ESR1: variants seen among roughly 807,000 people sequenced by gnomAD.
ESR1 encodes estrogen receptor 1, also known as estrogen receptor.
In ESR1, 12 loss-of-function variants were observed where a neutral mutation model predicts 52.7. The observed-to-expected ratio is 0.23, with a 90% CI of 0.15 to 0.37. The LOEUF (loss-of-function observed/expected upper bound fraction) is 0.37. ESR1 is among the 10% of genes least tolerant of loss of function. The probability of loss-of-function intolerance (pLI) is 1.00; values close to 1 mark genes in which losing one functional copy is unlikely to be tolerated. For synonymous variants in ESR1, 305 were observed against 316.8 expected (o/e 0.96, Z 0.39); for missense variants, 584 against 779.7 (o/e 0.75, Z 2.99).
rs71017515 is a variant in ESR1 at position 151,880,181 on chromosome 6, G to GTTTTT, written c.644-459_644-455dup. ...AAGTCCACGGGAGGTTTTTTGTTCTGTTTTTTTTTTTTTTTTTTTGAGATG... is the reference window on the plus strand; with the variant it reads ...AAGTCCACGGGAGGTTTTTTGTTCTGTTTTTTTTTTTTTTTTTTTTTTTTGAGATG... On this transcript the variant is annotated intron_variant, in intron 2 of 7. Coordinates refer to ENST00000206249, the MANE Select transcript of ESR1 (RefSeq NM_000125.4). Among the ~76,000 whole-genome samples, 612 of 116,260 alleles carry GTTTTT rather than the reference G, an allele frequency of 5.3e-3. 17 individuals carry two copies. Among genetic ancestry groups the GTTTTT allele is most frequent in the Non-Finnish European group, 6.4e-3 (384 of 59,770 alleles). The allele number at this position is 116,260 out of a possible 152,430, so 76.3% of individuals were successfully genotyped here. A position where few individuals can be genotyped will look rare whatever the true frequency, so the allele number is the denominator to read the frequency against.
chr6:151,969,987 G>T (rs1325477865), intron 4 of ESR1, among the ~76,000 whole-genome samples: 1 of 151,472 alleles, frequency 6.6e-6, no homozygotes, highest in East Asian at 1.9e-4. Flanking sequence ...TGATATTGCC[G>T]CTGTTCATTC....
chr6:151,697,135 T>G (rs1779409994), intron 1 of ESR1, among the ~76,000 whole-genome samples: 1 of 152,112 alleles, frequency 6.6e-6, no homozygotes, highest in Non-Finnish European at 1.5e-5. Flanking sequence ...AAATAAAGAC[T>G]TAACCTTAGA....
chr6:151,726,976 T>C (rs965185449), intron 2 of ESR1, among the ~76,000 whole-genome samples: 5 of 152,176 alleles, frequency 3.3e-5, no homozygotes, highest in Non-Finnish European at 5.9e-5. Flanking sequence ...TTATGAATGA[T>C]GTTTGCTCTA....
chr6:152,081,866 A>G (rs1248562389), intron 6 of ESR1, among the ~76,000 whole-genome samples: 1 of 152,216 alleles, frequency 6.6e-6, no homozygotes, highest in East Asian at 1.9e-4. Flanking sequence ...AATAAACTGG[A>G]AAATCTAGAA....
At chr6:151,884,232 G>A (rs973993092) in intron 3 of ESR1, among the ~76,000 whole-genome samples, 4 of 152,058 alleles carry the variant, frequency 2.6e-5, no homozygotes, top group African/African-American at 7.2e-5. Flanking sequence ...ATAATTTATT[G>A]TATTTTCTAC....
intron 6 of ESR1, among the ~76,000 whole-genome samples, chr6:152,077,115 G>A (rs1485584681): frequency 6.6e-6 from 1 of 152,124 alleles, no homozygotes; most frequent in Non-Finnish European, 1.5e-5. Flanking sequence ...AAACAGTTTT[G>A]TGGGCCAGTC....
At chr6:152,107,542 A>G (rs1163554713), downstream of ESR1, among the ~76,000 whole-genome samples, 1 of 152,222 alleles carries the variant, frequency 6.6e-6, no homozygotes, top group Non-Finnish European at 1.5e-5. Flanking sequence ...TCCTTCAGAT[A>G]TTTAAGCATA....
Position 152,099,055 on chromosome 6 carries a change from T to C in ESR1, c.*89T>C, listed in dbSNP as rs1203903844. ...CTTTAGCCAAATTCTGTCTCCTGCA[T>C]ACACTCCGGCATGCATCCAACACCA... On this transcript the variant is annotated 3_prime_UTR_variant, in exon 8 of 8. Transcript: ENST00000206249. The C allele has an allele frequency of 2.9e-6, 3 of 1,040,350 alleles. No individual in the cohort carries two copies. Among genetic ancestry groups the C allele is most frequent in the South Asian group, 1.3e-5 (1 of 74,584 alleles). The allele number at this position is 1,040,350 out of a possible 1,614,324, so 64.4% of individuals were successfully genotyped here.
intron 1 of ESR1, among the ~76,000 whole-genome samples, chr6:151,827,632 A>G (rs764942111): frequency 6.6e-6 from 1 of 152,210 alleles, no homozygotes; most frequent in Non-Finnish European, 1.5e-5. Context: ...CCAAAGGATG[A>G]TGACTATTTT....
At position 152,098,403 on chromosome 6, in the gene ESR1, G is replaced by A. The variant is rs1242808740; in HGVS notation, c.1554-329G>A. On this transcript the variant is annotated intron_variant, in intron 7 of 7. Coordinates refer to ENST00000206249, the MANE Select transcript of ESR1 (RefSeq NM_000125.4). This position sits in a 1 kb window ranked among gnomAD's most constrained non-coding sequence, Gnocchi z 5.1. ...TGAATGCATTTAGGTCCTATTGGAGGGGAATAGGATCTCATTTGAGGCCAC... is the reference window on the plus strand; with the variant it reads ...TGAATGCATTTAGGTCCTATTGGAGAGGAATAGGATCTCATTTGAGGCCAC... Among the ~76,000 whole-genome samples the A allele has an allele frequency of 6.6e-6, 1 of 152,022 alleles. No homozygotes were observed. The highest frequency in any genetic ancestry group is 1.5e-5 in the Non-Finnish European group (1 of 68,012).
At chr6:151,779,792 T>C (rs1364448517) in intron 2 of ESR1, among the ~76,000 whole-genome samples, 1 of 150,334 alleles carries the variant, frequency 6.7e-6, no homozygotes, top group African/African-American at 2.5e-5. Context: ...CATCAATGTT[T>C]GACCGAATAA....
chr6:151,751,831 C>T (rs993873671), intron 2 of ESR1, among the ~76,000 whole-genome samples: 1 of 152,152 alleles, frequency 6.6e-6, no homozygotes, highest in Non-Finnish European at 1.5e-5. Flanking sequence ...TATTAATGTG[C>T]TAATAGCAGC....
chr6:151,702,283 G>A (rs930407879), intron 2 of ESR1, among the ~76,000 whole-genome samples: 1 of 152,142 alleles, frequency 6.6e-6, no homozygotes, highest in Non-Finnish European at 1.5e-5. Flanking sequence ...TAGTATCAGA[G>A]AGGTTAACCA....
chr6:152,043,590 T>C (rs2045980890), intron 5 of ESR1, among the ~76,000 whole-genome samples: 1 of 152,186 alleles, frequency 6.6e-6, no homozygotes, highest in African/African-American at 2.4e-5. Context: ...TCGTCTTTCC[T>C]GGCAACTGCC....
chr6:151,846,075 A>G (rs1319793188), intron 2 of ESR1, among the ~76,000 whole-genome samples: 1 of 152,192 alleles, frequency 6.6e-6, no homozygotes, highest in Admixed American at 6.5e-5. Flanking sequence ...TCTGGCTATC[A>G]GAGGTTTCCT....
In ESR1 at chr6:151,929,204, T is replaced by C. The variant is rs115441554; in HGVS notation, c.761-14969T>C. On this transcript the variant is annotated intron_variant, in intron 3 of 7. Transcript: ENST00000206249. ...GTTTGGGCTTGTCTATTTCCCCTTT[T>C]AGTTTCAATCATTTTGCTTCATGTG... Among the ~76,000 whole-genome samples, 1,057 of 152,342 alleles carry C rather than the reference T, an allele frequency of 6.9e-3. 14 individuals carry two copies. Among genetic ancestry groups the C allele is most frequent in the African/African-American group, 0.024 (1,009 of 41,586 alleles).
intron 2 of ESR1, among the ~76,000 whole-genome samples, chr6:151,717,740 T>C (rs1237072679): frequency 1.3e-5 from 2 of 152,228 alleles, no homozygotes; most frequent in Non-Finnish European, 2.9e-5. Context: ...TAATCATGTA[T>C]GATTTTTATA....
At chr6:151,819,004 C>G (rs999256283) in intron 1 of ESR1, among the ~76,000 whole-genome samples, 2 of 152,156 alleles carry the variant, frequency 1.3e-5, no homozygotes, top group African/African-American at 4.8e-5. Context: ...AACTATTACT[C>G]CAAGAAGCTC....
At chr6:151,840,704 G>A (rs180996366) in intron 1 of ESR1, among the ~76,000 whole-genome samples, 107 of 152,288 alleles carry the variant, frequency 7.0e-4, no homozygotes, top group Non-Finnish European at 1.1e-3. Flanking sequence ...GGAAGCTTGA[G>A]CTTCCTTTGC....
Sources: gnomAD v4.1 joint callset for allele counts (sites outside exome capture counted in the v4.1 genomes callset) on GRCh38, gnomAD v4.1.1 for gene constraint, Gnocchi (gnomAD v3.1) non-coding constraint, MANE v1.5 for transcripts, NCBI Gene and HGNC (gene_info 2026-07-23, HGNC 2026-07-21) for gene names.